The following ASTN2 variants were observed in gnomAD, a reference collection of about 807,000 sequenced individuals.
ASTN2 encodes the protein astrotactin 2, also known as astrotactin-2.
Under a neutral mutation model 139.8 loss-of-function variants are expected in ASTN2, and 54 were observed. The ratio of observed to expected loss-of-function variants is 0.39; its 90% CI spans 0.31 to 0.48. The LOEUF (loss-of-function observed/expected upper bound fraction) is 0.48, where lower values mean the gene tolerates loss of function less well. ASTN2 is among the 20% of genes least tolerant of loss of function. The pLI is 0.95. For synonymous variants in ASTN2, 756 were observed against 719.5 expected (o/e 1.05, Z -0.81); for missense variants, 1,565 against 1,725.1 (o/e 0.91, Z 1.64).
intron 16 of ASTN2, among the ~76,000 whole-genome samples, chr9:116,684,942 T>G (rs530710314): frequency 1.3e-5 from 2 of 152,294 alleles, no homozygotes; most frequent in South Asian, 2.1e-4. Context: ...TGGGAGAAAT[T>G]TAGTCTGTAG....
chr9:116,699,199 C>T lies in ASTN2; in HGVS notation c.2806+26572G>A. 2 of 1,614,196 alleles carry T rather than the reference C, an allele frequency of 1.2e-6. No homozygotes were observed. Among genetic ancestry groups the T allele is most frequent in the Non-Finnish European group, 1.7e-6 (2 of 1,180,034 alleles). ...TTGCCATCTGGCCAGTTTGTAGTAA[C>T]CGATGTGGAAGGTGGAAAGCTTTGG... On this transcript the variant is annotated intron_variant, in intron 16 of 22. Transcript: ENST00000313400. This position sits in a 1 kb window ranked among gnomAD's most constrained non-coding sequence, Gnocchi z 4.2.
intron 10 of ASTN2, among the ~76,000 whole-genome samples, chr9:116,921,919 G>T (rs1400828022): frequency 1.3e-5 from 2 of 152,046 alleles, no homozygotes; most frequent in Non-Finnish European, 2.9e-5. Context: ...GATGAGATTT[G>T]GGTGGGGACA....
chr9:117,120,008 G>GTA (rs1203112485), intron 4 of ASTN2, among the ~76,000 whole-genome samples: 82 of 45,586 alleles, frequency 1.8e-3, no homozygotes, highest in African/African-American at 5.6e-3. Flanking sequence ...GTGTGTGTGT[G>GTA]TGTGTGTGTG....
At chr9:117,112,589 A>G (rs1333397371) in intron 4 of ASTN2, among the ~76,000 whole-genome samples, 2 of 152,228 alleles carry the variant, frequency 1.3e-5, no homozygotes, top group African/African-American at 4.8e-5. Context: ...CCCATAGTTC[A>G]TACCATATAC....
At chr9:116,614,625 G>A (rs942806829) in intron 19 of ASTN2, among the ~76,000 whole-genome samples, 1 of 152,098 alleles carries the variant, frequency 6.6e-6, no homozygotes, top group African/African-American at 2.4e-5. Context: ...AATGGGGAAA[G>A]GATTCCCTAT....
intron 1 of ASTN2, among the ~76,000 whole-genome samples, chr9:117,363,000 T>C (rs1169482700): frequency 6.6e-6 from 1 of 152,164 alleles, no homozygotes; most frequent in East Asian, 1.9e-4. Context: ...TTAGTTTCAA[T>C]ATCCAAACCA....
chr9:117,326,708 T>C (rs1397649077), intron 1 of ASTN2, among the ~76,000 whole-genome samples: 3 of 152,096 alleles, frequency 2.0e-5, no homozygotes, highest in Admixed American at 6.6e-5. Flanking sequence ...AACTGATATG[T>C]GGAAAGGCAG....
intron 1 of ASTN2, among the ~76,000 whole-genome samples, chr9:117,345,874 G>C (rs1285532120): frequency 2.6e-5 from 4 of 151,774 alleles, no homozygotes; most frequent in Non-Finnish European, 5.9e-5. Flanking sequence ...CCTCAATTCT[G>C]CAGTTTTCTT....
At chr9:117,298,818 G>T (rs1160960510) in intron 1 of ASTN2, among the ~76,000 whole-genome samples, 1 of 151,322 alleles carries the variant, frequency 6.6e-6, no homozygotes, top group Non-Finnish European at 1.5e-5. Flanking sequence ...TATTTGTGTA[G>T]CCTGGTGCCT....
Position 116,471,271 on chromosome 9 carries a change from C to T in ASTN2, c.3497+16088G>A, listed in dbSNP as rs190966642. On this transcript the variant is annotated intron_variant, in intron 20 of 22. Transcript: ENST00000313400. ...AAGGGTGAGAGGAGTTGGATCCAGT[C>T]GTGAGAGTCAGATAGGCAGCTCACC... Among the ~76,000 whole-genome samples, 11 of 152,260 alleles carry T rather than the reference C, an allele frequency of 7.2e-5. No homozygotes were observed. The East Asian group carries it at 1.9e-3, about 27-fold the overall frequency.
At chr9:117,359,191 T>C (rs1176206161) in intron 1 of ASTN2, among the ~76,000 whole-genome samples, 1 of 152,176 alleles carries the variant, frequency 6.6e-6, no homozygotes, top group East Asian at 1.9e-4. Flanking sequence ...CCCGTGCTCT[T>C]GAGCAAGCTG....
chr9:117,134,285 TATATATATATACACAC>T (rs1354915430), intron 4 of ASTN2, among the ~76,000 whole-genome samples: 38 of 76,044 alleles, frequency 5.0e-4, no homozygotes, highest in African/African-American at 1.1e-3. Flanking sequence ...TATATATATA[TATATATATATACACAC>T]ACACACACAC....
intron 16 of ASTN2, among the ~76,000 whole-genome samples, chr9:116,678,050 A>C (rs1859615423): frequency 6.6e-6 from 1 of 152,224 alleles, no homozygotes; most frequent in African/African-American, 2.4e-5. Flanking sequence ...AGAAACTTTA[A>C]TGCCTTTTTG....
chr9:117,160,848 T>C (rs533171867), intron 3 of ASTN2, among the ~76,000 whole-genome samples: 31 of 152,066 alleles, frequency 2.0e-4, no homozygotes, highest in African/African-American at 7.2e-4. Context: ...AAGGACAAGG[T>C]TTTGTGAGAG....
intron 20 of ASTN2, among the ~76,000 whole-genome samples, chr9:116,450,493 C>T (rs1848140876): frequency 6.6e-6 from 1 of 152,162 alleles, no homozygotes; most frequent in African/African-American, 2.4e-5. Context: ...CTAATGCCTC[C>T]ATAGCCCGTT....
chr9:116,542,178 C>T lies in ASTN2; in HGVS notation c.3356-54678G>A, dbSNP rs372321997. On this transcript the variant is annotated intron_variant, in intron 19 of 22. Transcript: ENST00000313400. ...CATTATTTAACTGAACCCTAATAAACACCCTTACATGTAAATCTTTTATAA... is the reference window on the plus strand; with the variant it reads ...CATTATTTAACTGAACCCTAATAAATACCCTTACATGTAAATCTTTTATAA... 1.7e-4 allele frequency among the ~76,000 whole-genome samples: 26 copies of T among 152,276 alleles called. No individual in the cohort carries two copies. The East Asian group carries it at 2.9e-3, about 17-fold the overall frequency.
chr9:116,758,067 C>T (rs1829581025), intron 13 of ASTN2, among the ~76,000 whole-genome samples: 2 of 152,100 alleles, frequency 1.3e-5, no homozygotes, highest in Admixed American at 1.3e-4. Flanking sequence ...TCCAGTCCCT[C>T]CACTGTGCCT....
At chr9:117,114,125 A>G (rs35105267) in intron 4 of ASTN2, among the ~76,000 whole-genome samples, 16,413 of 151,668 alleles carry the variant, frequency 0.11, 1,086 homozygotes, top group Non-Finnish European at 0.15. Flanking sequence ...TTTTGTTTAT[A>G]CTTTGGGGAA....
intron 11 of ASTN2, among the ~76,000 whole-genome samples, chr9:116,844,564 G>A (rs1250513144): frequency 6.0e-5 from 9 of 150,450 alleles, no homozygotes; most frequent in Non-Finnish European, 1.2e-4. Flanking sequence ...AAAGTAAAAT[G>A]AGCCTAATTA....
Sources: gnomAD v4.1 joint callset for allele counts (sites outside exome capture counted in the v4.1 genomes callset) on GRCh38, gnomAD v4.1.1 for gene constraint, Gnocchi (gnomAD v3.1) non-coding constraint, MANE v1.5 for transcripts, NCBI Gene and HGNC (gene_info 2026-07-23, HGNC 2026-07-21) for gene names.